TBX22: variants seen among roughly 807,000 people sequenced by gnomAD.
TBX22 encodes T-box transcription factor TBX22.
Under a neutral mutation model 30.1 loss-of-function variants are expected in TBX22, and 8 were observed. The observed-to-expected ratio is 0.27, with a 90% CI of 0.16 to 0.48. The LOEUF (loss-of-function observed/expected upper bound fraction) is 0.48. Among genes scored for constraint, TBX22 ranks in the 20% least tolerant of loss-of-function variants. The pLI, the probability that TBX22 is intolerant of heterozygous loss-of-function variation, is 0.99. For missense variants in TBX22, 463 were observed against 400.5 expected, an observed-to-expected ratio of 1.16 and a Z score of -1.33; for synonymous variants, 173 against 149.1, an observed-to-expected ratio of 1.16 and a Z score of -1.17.
intron 1 of TBX22, 29 bp from the exon 2 acceptor site, chrX:80,022,239 G>T: frequency 8.3e-7 from 1 of 1,205,548 alleles, no homozygotes; most frequent in Non-Finnish European, 1.1e-6. Context: ...TTGAAACTTT[G>T]CTGCAAAGAA....
intron 1 of TBX22, among the ~76,000 whole-genome samples, chrX:80,019,190 G>A (rs986519606): frequency 1.8e-4 from 20 of 111,304 alleles, no homozygotes; most frequent in South Asian, 3.8e-4. Flanking sequence ...GCTAGTGCAG[G>A]CAAAGTTGAA....
chrX:80,021,353 A>G (rs983778676), intron 1 of TBX22, among the ~76,000 whole-genome samples: 5 of 111,595 alleles, frequency 4.5e-5, no homozygotes, highest in African/African-American at 1.6e-4. Context: ...TGACAGTGGC[A>G]TTGGGAGACT....
rs1923765567 is a variant in TBX22, at chrX:80,022,548, G to T, written c.175+104G>T. ...CAGCCAGACAGCCACATTAGGAGCC[G>T]CGAGACACCTCGACCACCTGGTGAA... is the stretch of plus-strand genomic sequence containing the variant. On this transcript the variant is annotated intron_variant, in intron 2 of 8. Coordinates refer to ENST00000373296, the MANE Select transcript of TBX22 (RefSeq NM_001109878.2). 8.4e-6 allele frequency: 7 copies of T among 829,481 alleles called. No homozygotes were observed. The South Asian group carries it at 1.3e-4, about 15-fold the overall frequency. 68.4% of individuals were successfully genotyped at this position (829,481 alleles called of 1,213,427 possible).
intron 3 of TBX22, among the ~76,000 whole-genome samples, chrX:80,023,776 C>G (rs867384366): frequency 9.0e-6 from 1 of 111,540 alleles, no homozygotes. Context: ...ACAGCTTTTT[C>G]TCTCATACTT....
chrX:80,020,289 T>TAGATAGA (rs1555991386), intron 1 of TBX22, among the ~76,000 whole-genome samples: 1,680 of 104,629 alleles, frequency 0.016, 52 homozygotes, highest in Admixed American at 0.08. Flanking sequence ...TAGAGATAGA[T>TAGATAGA]TAGATAGATA....
At chrX:80,026,336 A>G (rs1409641421) in intron 5 of TBX22, among the ~76,000 whole-genome samples, 1 of 111,671 alleles carries the variant, frequency 9.0e-6, no homozygotes, top group Non-Finnish European at 1.9e-5. Context: ...GGAAGCTCCC[A>G]AGATTAGGAG....
rs749434719 is a variant in TBX22 at position 80,023,841 on chromosome X, GTAA to G, written c.357-216_357-214del. Reference sequence around the variant, plus strand: ...GGAGGGACATGAACAAAGCCTTGTGGTAATAATATTCTGCTCCACTTAGAAATT... The same window carrying G: ...GGAGGGACATGAACAAAGCCTTGTGGTAATATTCTGCTCCACTTAGAAATT... On this transcript the variant is annotated intron_variant, in intron 3 of 8. Transcript: ENST00000373296. Among the ~76,000 whole-genome samples the G allele has an allele frequency of 5.4e-5, 6 of 111,921 alleles. No homozygotes were observed. The East Asian group carries it at 1.7e-3, about 32-fold the overall frequency.
chrX:80,027,126 A>G (rs1484630215), intron 6 of TBX22, 130 bp from the exon 7 acceptor site: 4 of 500,059 alleles, frequency 8.0e-6, no homozygotes, highest in Non-Finnish European at 1.1e-5. Flanking sequence ...CAATATGGTT[A>G]CATTTATTTA....
intron 2 of TBX22, 59 bp downstream of exon 2, chrX:80,022,503 G>T (rs1923762084): frequency 1.8e-6 from 2 of 1,108,359 alleles, no homozygotes; most frequent in South Asian, 2.0e-5. Flanking sequence ...GCATCTCTCC[G>T]CCTGGCTCGC....
chrX:80,024,236 C>G (rs1923862847), intron 4 of TBX22, 72 bp downstream of exon 4: 2 of 974,845 alleles, frequency 2.1e-6, no homozygotes, highest in African/African-American at 1.9e-5. Context: ...GACCTGAAAC[C>G]TGACAGCATG....
chrX:80,014,810 C>G lies in TBX22; in HGVS notation c.-80C>G, dbSNP rs1277083243. ...CAGGCATTTGCAGAGTGAATGAGCTCTGACTGAGACTTGACTTCAGAACCA... is the reference window on the plus strand; with the variant it reads ...CAGGCATTTGCAGAGTGAATGAGCTGTGACTGAGACTTGACTTCAGAACCA... On this transcript the variant is annotated 5_prime_UTR_variant, in exon 1 of 9. Coordinates refer to ENST00000373296, the MANE Select transcript of TBX22 (RefSeq NM_001109878.2). 1.8e-5 allele frequency: 2 copies of G among 112,337 alleles called. No homozygotes were observed. Among genetic ancestry groups the G allele is most frequent in the Non-Finnish European group, 3.8e-5 (2 of 53,306 alleles). 9.3% of individuals were successfully genotyped at this position (112,337 alleles called of 1,213,427 possible).
In TBX22 at chrX:80,023,100, T is replaced by TGGCTGCGGCAGCGACAGC; in HGVS notation, c.221_238dup (p.Cys74_Gly79dup). On this transcript the variant is annotated inframe_insertion, in exon 3 of 9. Transcript: ENST00000373296. ...CAGAGCCCTCAACATCTGCTTCCTC[T>TGGCTGCGGCAGCGACAGC]GGCTGCGGCAGCGACAGCGGCTACG... 8.3e-7 allele frequency: 1 copy of TGGCTGCGGCAGCGACAGC among 1,211,965 alleles called. No homozygotes were observed. Among genetic ancestry groups the TGGCTGCGGCAGCGACAGC allele is most frequent in the Non-Finnish European group, 1.1e-6 (1 of 895,530 alleles).
At chrX:80,029,635 T>A (rs1251476240) in intron 8 of TBX22, among the ~76,000 whole-genome samples, 4 of 112,214 alleles carry the variant, frequency 3.6e-5, no homozygotes, top group South Asian at 3.7e-4. Context: ...ATTTTTTAAA[T>A]CAGTGTACCT....
At chrX:80,020,889 T>C (rs1477886840) in intron 1 of TBX22, among the ~76,000 whole-genome samples, 1 of 112,025 alleles carries the variant, frequency 8.9e-6, no homozygotes, top group Non-Finnish European at 1.9e-5. Context: ...GAGAATAATA[T>C]AATTTTTCTG....
chrX:80,016,769 G>C (rs756988001), intron 1 of TBX22, among the ~76,000 whole-genome samples: 42 of 110,885 alleles, frequency 3.8e-4, no homozygotes, highest in Non-Finnish European at 6.8e-4. Flanking sequence ...ACTTTGGGAG[G>C]CTGAGGCAGG....
At chrX:80,014,928 T>A (rs1216284940) in intron 1 of TBX22, 41 bp downstream of exon 1, 1 of 111,924 alleles carries the variant, frequency 8.9e-6, no homozygotes, top group Non-Finnish European at 1.9e-5. Context: ...TGGGTTTTAG[T>A]GGGACATCAG....
chrX:80,020,277 G>GAT (rs1923620047), intron 1 of TBX22, among the ~76,000 whole-genome samples: 2 of 90,626 alleles, frequency 2.2e-5, no homozygotes, highest in African/African-American at 8.8e-5. Flanking sequence ...AATATAGATA[G>GAT]ATAGAGATAG....
At position 80,031,707 on chromosome X, in the gene TBX22, C is replaced by T. The variant is rs1924258905; in HGVS notation, c.*596C>T. The T allele has an allele frequency of 1.8e-5, 2 of 111,448 alleles. No homozygotes were observed. Among genetic ancestry groups the T allele is most frequent in the Admixed American group, 1.9e-4 (2 of 10,425 alleles). The allele number at this position is 111,448 out of a possible 1,213,427, so 9.2% of individuals were successfully genotyped here. A position where few individuals can be genotyped will look rare whatever the true frequency, so the allele number is the denominator to read the frequency against. ...CTTTGTAGCCTAAAGACCATTTAAT[C>T]TTGAAGGAACACAAAGATCAAATGA... On this transcript the variant is annotated 3_prime_UTR_variant, in exon 9 of 9. Coordinates refer to ENST00000373296, the MANE Select transcript of TBX22 (RefSeq NM_001109878.2).
chrX:80,024,247 A>C, intron 4 of TBX22, 83 bp downstream of exon 4: 1 of 872,998 alleles, frequency 1.1e-6, no homozygotes, highest in Non-Finnish European at 1.7e-6. Context: ...TGACAGCATG[A>C]CTTTGAAAAC....
Sources: allele counts gnomAD v4.1 joint callset (sites outside exome capture counted in the v4.1 genomes callset), GRCh38; gene constraint gnomAD v4.1.1; transcripts MANE v1.5; gene names NCBI Gene and HGNC (gene_info 2026-07-23, HGNC 2026-07-21).